The following PITRM1 variants were observed in gnomAD, a reference collection of about 807,000 sequenced individuals.
PITRM1 encodes the protein presequence protease, mitochondrial.
A neutral mutation model predicts 129.9 loss-of-function variants in PITRM1; 100 were observed. The ratio of observed to expected loss-of-function variants is 0.77; its 90% confidence interval spans 0.65 to 0.91. PITRM1 has a LOEUF of 0.91. Among genes scored for constraint, PITRM1 ranks in the 40% least tolerant of loss-of-function variants. The pLI, the probability that PITRM1 is intolerant of heterozygous loss-of-function variation, is 0.00. For synonymous variants in PITRM1, 591 were observed against 508.8 expected (o/e 1.16, Z -2.17); for missense variants, 1,471 against 1,318.3 (o/e 1.12, Z -1.79).
At chr10:3,157,126 G>A (rs1344518415) in intron 12 of PITRM1, 62 bp from the exon 13 acceptor site, 2 of 1,438,920 alleles carry the variant, frequency 1.4e-6, no homozygotes, top group East Asian at 4.9e-5. Context: ...TCCACCAACA[G>A]CCCAGACTTG....
At chr10:3,166,151 T>C (rs1842841161) in intron 4 of PITRM1, 78 bp downstream of exon 4, 2 of 1,289,450 alleles carry the variant, frequency 1.6e-6, no homozygotes, top group Admixed American at 2.5e-5. Context: ...CCCTCATTCC[T>C]TCTCAGAAAC....
intron 1 of PITRM1, among the ~76,000 whole-genome samples, chr10:3,171,652 T>C (rs569255620): frequency 1.9e-4 from 29 of 152,320 alleles, no homozygotes; most frequent in Admixed American, 1.1e-3. Flanking sequence ...TCGGCCAGGC[T>C]GGTCTTGAAC....
intron 14 of PITRM1, among the ~76,000 whole-genome samples, chr10:3,153,968 C>A (rs1463021568): frequency 6.6e-6 from 1 of 152,186 alleles, no homozygotes; most frequent in African/African-American, 2.4e-5. Flanking sequence ...ACAACTGTGG[C>A]AAGCTATGAA....
intron 7 of PITRM1, among the ~76,000 whole-genome samples, chr10:3,161,406 T>C (rs1842430518): frequency 2.0e-5 from 3 of 152,258 alleles, no homozygotes; most frequent in African/African-American, 7.2e-5. Flanking sequence ...TGACAGAATT[T>C]ATCTTTTTCT....
In PITRM1 at chr10:3,138,338, C is replaced by T. The variant is rs1026232780; in HGVS notation, c.2918-1G>A. The T allele has an allele frequency of 1.9e-6, 3 of 1,609,720 alleles. No homozygotes were observed. The highest frequency in any genetic ancestry group is 2.6e-6 in the Non-Finnish European group (3 of 1,176,158). On this transcript the variant is annotated splice_acceptor_variant, in intron 25 of 26. Coordinates refer to ENST00000224949, the MANE Select transcript of PITRM1 (RefSeq NM_014889.4). LOFTEE classifies it high-confidence loss of function. Reference sequence around the variant, plus strand: ...AGGCCGTACAAGAAGTGGTCCATTCCTAGAAGACAATCCACAGGCACGATG... The same window carrying T: ...AGGCCGTACAAGAAGTGGTCCATTCTTAGAAGACAATCCACAGGCACGATG...
chr10:3,169,176 C>T (rs1257842828), intron 2 of PITRM1, among the ~76,000 whole-genome samples: 1 of 152,214 alleles, frequency 6.6e-6, no homozygotes, highest in African/African-American at 2.4e-5. Flanking sequence ...CCCTTATTAA[C>T]AGTAACCTGT....
chr10:3,145,679 T>G lies in PITRM1; in HGVS notation c.2374A>C (p.Thr792Pro). The G allele has an allele frequency of 6.4e-7, 1 of 1,551,188 alleles. No individual in the cohort carries two copies. The highest frequency in any genetic ancestry group is 8.7e-7 in the Non-Finnish European group (1 of 1,146,700). ...VNATPQQMPQ[T>P]EKAVEDFLRS... ...AGGAAGTCTTCGACCGCTTTTTCTG[T>G]CTGAGGCATCTGCTGAGGAGTCGCA... is the stretch of plus-strand genomic sequence containing the variant. Residue 792 changes from threonine to proline, a missense_variant, in exon 21 of 27, where the codon ACA becomes CCA. By Grantham distance (38) the Thr-to-Pro change is conservative (BLOSUM62 -1). Transcript: ENST00000224949.
intron 12 of PITRM1, 146 bp from the exon 13 acceptor site, chr10:3,157,210 G>T: frequency 1.2e-6 from 1 of 829,472 alleles, no homozygotes; most frequent in Non-Finnish European, 1.8e-6. Flanking sequence ...GTAATTCTTT[G>T]GATGGAGAAA....
intron 1 of PITRM1, among the ~76,000 whole-genome samples, chr10:3,170,476 T>A (rs1457764849): frequency 6.6e-6 from 1 of 152,202 alleles, no homozygotes; most frequent in African/African-American, 2.4e-5. Context: ...ACAGTTTAAA[T>A]TCCCCTTGTT....
At position 3,140,776 on chromosome 10, in the gene PITRM1, G is replaced by C. The variant is rs565586292; in HGVS notation, c.2682C>G (p.Phe894Leu). 2.5e-6 allele frequency: 4 copies of C among 1,591,408 alleles called. No homozygotes were observed. The highest frequency in any genetic ancestry group is 3.4e-6 in the Non-Finnish European group (4 of 1,167,518). The change falls in exon 24 of 27, where the codon TTC (phenylalanine) becomes TTG (leucine). Residue 894 changes from phenylalanine (F) to leucine (L), a missense_variant. Physicochemically the swap from Phe to Leu is conservative, Grantham distance 22 (BLOSUM62 0). Coordinates refer to ENST00000224949, the MANE Select transcript of PITRM1 (RefSeq NM_014889.4). ...CTTTTTCTCGAATTTCTGTATGCAAGAATTTGGCAGTCATCAAACGTGCAA... is the reference window on the plus strand; with the variant it reads ...CTTTTTCTCGAATTTCTGTATGCAACAATTTGGCAGTCATCAAACGTGCAA... ...KILARLMTAK[F>L]LHTEIREKGG...
intron 23 of PITRM1, among the ~76,000 whole-genome samples, chr10:3,142,527 G>A (rs1341638540): frequency 6.6e-6 from 1 of 152,234 alleles, no homozygotes. Context: ...CCAACTGACG[G>A]GTCCCCAAAG....
At position 3,138,888 on chromosome 10, in the gene PITRM1, G is replaced by A. The variant is rs1554786768; in HGVS notation, c.2917+16C>T. 1.9e-6 allele frequency: 3 copies of A among 1,613,040 alleles called. No individual in the cohort carries two copies. The South Asian group carries it at 3.3e-5, about 18-fold the overall frequency. On this transcript the variant is annotated intron_variant, in intron 25 of 26. Transcript: ENST00000224949. ...GAGGCTGTGGGTTGAGATTCTCACT[G>A]TTATACTCAAAATACCTTTGTCTGA...
chr10:3,163,491 G>T, intron 7 of PITRM1: 1 of 338,982 alleles, frequency 3.0e-6, no homozygotes, highest in South Asian at 3.9e-5. Context: ...TCCTCTGGGG[G>T]ACTCTAAACG....
At chr10:3,172,433 C>T (rs907006147) in intron 1 of PITRM1, among the ~76,000 whole-genome samples, 4 of 152,220 alleles carry the variant, frequency 2.6e-5, no homozygotes, top group African/African-American at 9.7e-5. Context: ...TTACTACCCC[C>T]GTTAAAGCCC....
At chr10:3,144,405 G>C (rs1057137260) in intron 21 of PITRM1, 39 bp from the exon 22 acceptor site, 25 of 1,224,320 alleles carry the variant, frequency 2.0e-5, no homozygotes, top group Non-Finnish European at 2.9e-5. Flanking sequence ...GAAAAATCCA[G>C]AACTCACTTG....
rs115564496 is a variant in PITRM1, at chr10:3,170,168, C to A, written c.95G>T (p.Arg32Leu). Residue 32 changes from arginine to leucine, a missense_variant, in exon 2 of 27, where the codon CGG (arginine) becomes CTG (leucine). Arg to Leu is a moderately radical substitution (Grantham distance 102). Coordinates refer to ENST00000224949, the MANE Select transcript of PITRM1 (RefSeq NM_014889.4). ...ATACTGCAGAGCCCTCTCACAAGCC[C>A]GGTTACTGTTCCATCGCCACGCTCT... Reference protein sequence around the residue: ...HHRAWRWNSNRACERALQYKL... With the variant: ...HHRAWRWNSNLACERALQYKL... 4 of 1,613,974 alleles carry A rather than the reference C, an allele frequency of 2.5e-6. No homozygotes were observed. The highest frequency in any genetic ancestry group is 3.4e-6 in the Non-Finnish European group (4 of 1,179,876).
intron 1 of PITRM1, chr10:3,172,091 A>T (rs890014619): frequency 1.7e-5 from 7 of 422,110 alleles, no homozygotes; most frequent in Non-Finnish European, 3.3e-5. Context: ...CAAGGACATG[A>T]TAGGAAACTC....
rs551466889 is a variant in PITRM1 at position 3,145,203 on chromosome 10, A to C, written c.2457+393T>G. On this transcript the variant is annotated intron_variant, in intron 21 of 26. Coordinates refer to ENST00000224949, the MANE Select transcript of PITRM1 (RefSeq NM_014889.4). ...ACTCTCTAAGTTAATCAAATTTACT[A>C]AGTTAGTTATCACCGACATCACTGT... is the stretch of plus-strand genomic sequence containing the variant. The C allele has an allele frequency of 5.3e-5, 10 of 187,836 alleles. No homozygotes were observed. The Admixed American group carries it at 5.4e-4, about 10-fold the overall frequency. 11.6% of individuals were successfully genotyped at this position (187,836 alleles called of 1,614,324 possible).
chr10:3,150,892 T>C (rs998482123), intron 15 of PITRM1, among the ~76,000 whole-genome samples: 61 of 151,186 alleles, frequency 4.0e-4, no homozygotes, highest in African/African-American at 1.3e-3. Flanking sequence ...GATGGCAGGG[T>C]AAACATTAGG....
Sources: allele counts gnomAD v4.1 joint callset (sites outside exome capture counted in the v4.1 genomes callset), GRCh38; gene constraint gnomAD v4.1.1; transcripts MANE v1.5; gene names NCBI Gene and HGNC (gene_info 2026-07-23, HGNC 2026-07-21).